MUSK: variants seen among roughly 807,000 people sequenced by gnomAD.
MUSK encodes the protein muscle associated receptor tyrosine kinase.
In MUSK, 55 loss-of-function variants were observed where a neutral mutation model predicts 88.7. That is an observed-to-expected ratio of 0.62 (90% CI 0.50 to 0.78). MUSK has a LOEUF of 0.78. Ranked by LOEUF, MUSK falls within the 30% of genes least tolerant of loss-of-function variation. MUSK has a pLI of 0.00. For missense variants in MUSK, 1,015 were observed against 1,074.3 expected (o/e 0.94, Z 0.77); for synonymous variants, 387 against 391.9 (o/e 0.99, Z 0.15).
At chr9:110,755,941 T>TATATATACGTATATATATAC (rs1554750784) in intron 7 of MUSK, among the ~76,000 whole-genome samples, 1 of 76,520 alleles carries the variant, frequency 1.3e-5, no homozygotes, top group African/African-American at 5.9e-5. Flanking sequence ...TACATATATA[T>TATATATACGTATATATATAC]ATATATATAC....
chr9:110,734,442 A>G, intron 6 of MUSK, 67 bp downstream of exon 6: 2 of 1,599,228 alleles, frequency 1.3e-6, no homozygotes, highest in Non-Finnish European at 1.7e-6. Context: ...AGGATAGACC[A>G]TATAGTTGTA....
At chr9:110,681,882 C>T (rs1028204981) in intron 1 of MUSK, among the ~76,000 whole-genome samples, 3 of 151,932 alleles carry the variant, frequency 2.0e-5, no homozygotes, top group Non-Finnish European at 2.9e-5. Flanking sequence ...TGATGTATAC[C>T]TTGCCCTTTA....
At chr9:110,727,064 C>A (rs2076895267) in intron 5 of MUSK, among the ~76,000 whole-genome samples, 1 of 152,086 alleles carries the variant, frequency 6.6e-6, no homozygotes, top group South Asian at 2.1e-4. Context: ...GTACATTTGA[C>A]AGACGACCTC....
intron 7 of MUSK, among the ~76,000 whole-genome samples, chr9:110,757,824 T>C (rs1045845035): frequency 6.6e-6 from 1 of 152,208 alleles, no homozygotes; most frequent in African/African-American, 2.4e-5. Context: ...TACATATGTA[T>C]GCATTAACCA....
At chr9:110,675,530 C>T (rs1278718175) in intron 1 of MUSK, among the ~76,000 whole-genome samples, 1 of 125,138 alleles carries the variant, frequency 8.0e-6, no homozygotes, top group Non-Finnish European at 1.6e-5. Context: ...CGCTACATTG[C>T]CTCTTAATGT....
Position 110,801,212 on chromosome 9 carries a change from G to A in MUSK, c.*224G>A, listed in dbSNP as rs1019995571. On this transcript the variant is annotated 3_prime_UTR_variant, in exon 15 of 15. Coordinates refer to ENST00000374448, the MANE Select transcript of MUSK (RefSeq NM_005592.4). ...GAAACACAGGCTAGGAAATGTGTCA[G>A]ATAATGGAGACAACTATTCTTCTTC... The A allele has an allele frequency of 3.5e-5, 15 of 427,634 alleles. No individual in the cohort carries two copies. The highest frequency in any genetic ancestry group is 1.9e-4 in the Admixed American group (5 of 25,708). 26.5% of individuals were successfully genotyped at this position (427,634 alleles called of 1,614,324 possible). A position where few individuals can be genotyped will look rare whatever the true frequency, so the allele number is the denominator to read the frequency against.
intron 5 of MUSK, among the ~76,000 whole-genome samples, chr9:110,712,032 A>T (rs1410296181): frequency 6.6e-6 from 1 of 152,144 alleles, no homozygotes; most frequent in Non-Finnish European, 1.5e-5. Context: ...CTCTGTTTGC[A>T]CAGTCATTTT....
intron 14 of MUSK, among the ~76,000 whole-genome samples, chr9:110,788,623 T>G (rs563244836): frequency 1.5e-4 from 22 of 151,536 alleles, no homozygotes; most frequent in African/African-American, 5.3e-4. Flanking sequence ...CAGAGTGAGA[T>G]TCCATCTTTA....
At position 110,805,160 on chromosome 9, in the gene MUSK, G is replaced by A. The variant is rs2078146791; in HGVS notation, c.*4172G>A. On this transcript the variant is annotated 3_prime_UTR_variant, in exon 15 of 15. Transcript: ENST00000374448. ...TTGGATCATCCTGTTGCTAAATTTTGTAAGCATTTATCTTAAGTGATTTCT... is the reference window on the plus strand; with the variant it reads ...TTGGATCATCCTGTTGCTAAATTTTATAAGCATTTATCTTAAGTGATTTCT... Among the ~76,000 whole-genome samples, 2 of 151,738 alleles carry A rather than the reference G, an allele frequency of 1.3e-5. No homozygotes were observed. Among genetic ancestry groups the A allele is most frequent in the Admixed American group, 1.3e-4 (2 of 15,224 alleles).
chr9:110,698,414 C>A (rs2076460395), intron 5 of MUSK, among the ~76,000 whole-genome samples: 1 of 152,146 alleles, frequency 6.6e-6, no homozygotes, highest in South Asian at 2.1e-4. Flanking sequence ...CACATACTGG[C>A]ACAAATTACA....
chr9:110,682,904 T>G (rs746411177), intron 2 of MUSK, 104 bp downstream of exon 2: 5 of 790,438 alleles, frequency 6.3e-6, no homozygotes, highest in Non-Finnish European at 7.5e-6. Flanking sequence ...GATACAGGCA[T>G]GCAATGTAAA....
chr9:110,697,541 T>C (rs1431835537), intron 5 of MUSK, 75 bp downstream of exon 5: 5 of 1,487,328 alleles, frequency 3.4e-6, no homozygotes, highest in Non-Finnish European at 4.5e-6. Context: ...GCACCTGGGC[T>C]TGGGAGAGAA....
Position 110,747,664 on chromosome 9 carries a change from G to A in MUSK, c.777G>A (p.Glu259=). Residue 259 remains glutamate (E), a synonymous_variant, in exon 7 of 15, where the codon GAG becomes GAA. Coordinates refer to ENST00000374448, the MANE Select transcript of MUSK (RefSeq NM_005592.4). ...AGGTTTCTTCTGGGTCCATTCAAGA[G>A]AGTGTGAAAGACCGAGTGATTGACT... ...GNAVSSGSIQ[E]SVKDRVIDSR... 1 of 1,613,654 alleles carries A rather than the reference G, an allele frequency of 6.2e-7. No homozygotes were observed. Among genetic ancestry groups the A allele is most frequent in the Non-Finnish European group, 8.5e-7 (1 of 1,179,664 alleles).
intron 5 of MUSK, among the ~76,000 whole-genome samples, chr9:110,719,139 G>T (rs917149608): frequency 1.3e-5 from 2 of 151,868 alleles, no homozygotes; most frequent in Non-Finnish European, 2.9e-5. Flanking sequence ...CATCTCACAG[G>T]ACCTATATAA....
intron 5 of MUSK, among the ~76,000 whole-genome samples, chr9:110,730,546 T>C (rs2076950161): frequency 6.6e-6 from 1 of 152,080 alleles, no homozygotes; most frequent in South Asian, 2.1e-4. Context: ...CTAGAATGCA[T>C]TTTCAGATTG....
intron 14 of MUSK, among the ~76,000 whole-genome samples, chr9:110,789,121 G>T (rs2077927833): frequency 6.6e-6 from 1 of 152,330 alleles, no homozygotes; most frequent in African/African-American, 2.4e-5. Context: ...GACATGACAT[G>T]ACACAACTCA....
At chr9:110,752,088 G>A (rs771942371) in intron 7 of MUSK, among the ~76,000 whole-genome samples, 2 of 152,030 alleles carry the variant, frequency 1.3e-5, no homozygotes, top group South Asian at 2.1e-4. Flanking sequence ...GACACTCCTC[G>A]ACTTTTCCCA....
At position 110,668,896 on chromosome 9, in the gene MUSK, G is replaced by A. The variant is rs182277457; in HGVS notation, c.-9G>A. The A allele has an allele frequency of 1.1e-5, 17 of 1,612,224 alleles. No individual in the cohort carries two copies. In the Admixed American group the frequency reaches 1.3e-4, roughly 13 times the overall value. On this transcript the variant is annotated 5_prime_UTR_variant, in exon 1 of 15. Coordinates refer to ENST00000374448, the MANE Select transcript of MUSK (RefSeq NM_005592.4). ...AAGGAACTTCGTCCTGCGTGAGCCT[G>A]GATTAATCATGAGAGAGCTCGTCAA...
intron 2 of MUSK, 100 bp from the exon 3 acceptor site, chr9:110,687,017 T>C: frequency 8.4e-7 from 1 of 1,197,072 alleles, no homozygotes; most frequent in East Asian, 2.4e-5. Flanking sequence ...CTCACCTTTA[T>C]TCTACTTCCT....
Sources: gnomAD v4.1 joint callset for allele counts (sites outside exome capture counted in the v4.1 genomes callset) on GRCh38, gnomAD v4.1.1 for gene constraint, MANE v1.5 for transcripts, NCBI Gene and HGNC (gene_info 2026-07-23, HGNC 2026-07-21) for gene names.